TMEM150C: variants seen among roughly 807,000 people sequenced by gnomAD.
The protein encoded by TMEM150C is tentonin 3.
TMEM150C carries 10 observed loss-of-function variants against 29.9 expected under a neutral mutation model. That is an observed-to-expected ratio of 0.33 (90% CI 0.21 to 0.57). The LOEUF (loss-of-function observed/expected upper bound fraction) is 0.57. Among genes scored for constraint, TMEM150C ranks in the 20% least tolerant of loss-of-function variants. The pLI is 0.88. For synonymous variants in TMEM150C, 101 were observed against 112.5 expected, an observed-to-expected ratio of 0.90 and a Z score of 0.64; for missense variants, 251 against 303.6, an observed-to-expected ratio of 0.83 and a Z score of 1.29.
In TMEM150C at chr4:82,502,707, G is replaced by A. The variant is rs144722302; in HGVS notation, c.235+20C>T. The A allele has an allele frequency of 1.3e-3, 2,037 of 1,600,030 alleles. 24 individuals carry two copies. In the African/African-American group the frequency reaches 0.021, roughly 17 times the overall value. On this transcript the variant is annotated intron_variant, in intron 5 of 7. Coordinates refer to ENST00000449862, the MANE Select transcript of TMEM150C (RefSeq NM_001080506.3). ...AGAAATGTACCAAAGCACATAAAGC[G>A]TTCTTTACCCTCTTCTTACCTAGGA...
chr4:82,538,125 C>A (rs1725072938), intron 1 of TMEM150C, among the ~76,000 whole-genome samples: 1 of 152,198 alleles, frequency 6.6e-6, no homozygotes, highest in Non-Finnish European at 1.5e-5. Context: ...GTAGCGCGAT[C>A]TTGGCTCACT....
At chr4:82,529,657 A>C (rs1724773159) in intron 1 of TMEM150C, among the ~76,000 whole-genome samples, 1 of 152,132 alleles carries the variant, frequency 6.6e-6, no homozygotes, top group African/African-American at 2.4e-5. Context: ...GGCTGGAGAG[A>C]GGTCAAGGGA....
intron 1 of TMEM150C, among the ~76,000 whole-genome samples, chr4:82,557,796 C>T (rs556513485): frequency 2.0e-5 from 3 of 148,804 alleles, no homozygotes; most frequent in Admixed American, 6.8e-5. Flanking sequence ...TGCAGTGGCA[C>T]GATCTTGGCT....
At chr4:82,533,659 T>C (rs931237530) in intron 1 of TMEM150C, among the ~76,000 whole-genome samples, 5 of 152,234 alleles carry the variant, frequency 3.3e-5, no homozygotes, top group African/African-American at 1.2e-4. Context: ...TTTCAATATA[T>C]GGATTGTCAG....
intron 1 of TMEM150C, among the ~76,000 whole-genome samples, chr4:82,546,619 G>A (rs1405634084): frequency 2.0e-5 from 3 of 152,100 alleles, no homozygotes; most frequent in Non-Finnish European, 4.4e-5. Context: ...ACGAGGCCAG[G>A]AGATCGAGAC....
chr4:82,537,448 C>T (rs531032735), intron 1 of TMEM150C, among the ~76,000 whole-genome samples: 2 of 152,316 alleles, frequency 1.3e-5, no homozygotes, highest in Non-Finnish European at 2.9e-5. Flanking sequence ...GGTCCTTTTA[C>T]ACCCTTTGGA....
chr4:82,499,958 A>C (rs903189502), intron 5 of TMEM150C, among the ~76,000 whole-genome samples: 1 of 152,116 alleles, frequency 6.6e-6, no homozygotes, highest in Admixed American at 6.6e-5. Context: ...TTTTGCCTGA[A>C]GGAGGGAGAG....
rs772411090 is a variant in TMEM150C at position 82,485,310 on chromosome 4, C to T, written c.*201G>A. ...CGTGCATATATTTTCAGTGTAACAG[C>T]GTGTATTTCGACACATAAGGGCTTG... On this transcript the variant is annotated 3_prime_UTR_variant, in exon 8 of 8. Coordinates refer to ENST00000449862, the MANE Select transcript of TMEM150C (RefSeq NM_001080506.3). 18 of 570,784 alleles carry T rather than the reference C, an allele frequency of 3.2e-5. No individual in the cohort carries two copies. The highest frequency in any genetic ancestry group is 8.2e-5 in the South Asian group (4 of 48,970). 35.4% of individuals were successfully genotyped at this position (570,784 alleles called of 1,614,324 possible). A position where few individuals can be genotyped will look rare whatever the true frequency, so the allele number is the denominator to read the frequency against.
chr4:82,536,138 A>T (rs1303614947), intron 1 of TMEM150C, among the ~76,000 whole-genome samples: 1 of 152,124 alleles, frequency 6.6e-6, no homozygotes, highest in Non-Finnish European at 1.5e-5. Context: ...AGGCAGGTGG[A>T]TCACGAAGTC....
chr4:82,520,706 G>C (rs943817488), intron 1 of TMEM150C, among the ~76,000 whole-genome samples: 4 of 152,100 alleles, frequency 2.6e-5, no homozygotes, highest in Non-Finnish European at 5.9e-5. Flanking sequence ...AACATAGCAA[G>C]CCTCCATGTG....
chr4:82,512,877 T>C (rs1724172921), intron 1 of TMEM150C, among the ~76,000 whole-genome samples: 1 of 152,130 alleles, frequency 6.6e-6, no homozygotes, highest in Admixed American at 6.5e-5. Flanking sequence ...GGATAGCTAT[T>C]ATCAAAAAAC....
intron 1 of TMEM150C, among the ~76,000 whole-genome samples, chr4:82,534,722 T>C (rs1056368581): frequency 6.6e-6 from 1 of 152,198 alleles, no homozygotes; most frequent in Admixed American, 6.5e-5. Flanking sequence ...ACTTGTCTTC[T>C]TAACATGCTC....
intron 1 of TMEM150C, among the ~76,000 whole-genome samples, chr4:82,553,221 C>T (rs1047467544): frequency 2.0e-5 from 3 of 151,930 alleles, no homozygotes; most frequent in Non-Finnish European, 2.9e-5. Flanking sequence ...TGACTCCTAT[C>T]GAAAAAACAT....
At chr4:82,545,286 A>G (rs780186226) in intron 1 of TMEM150C, among the ~76,000 whole-genome samples, 2 of 152,246 alleles carry the variant, frequency 1.3e-5, no homozygotes, top group Non-Finnish European at 2.9e-5. Context: ...ACAGAATTAA[A>G]AACAAAAACC....
chr4:82,483,313 A>G lies in TMEM150C; in HGVS notation c.*2198T>C, dbSNP rs1399855572. ...CATCACCAAAAGCTGTTTAATTTGG[A>G]TTGTGTAGAATAAAAGAAAACTACA... is the stretch of plus-strand genomic sequence containing the variant. On this transcript the variant is annotated 3_prime_UTR_variant, in exon 8 of 8. Coordinates refer to ENST00000449862, the MANE Select transcript of TMEM150C (RefSeq NM_001080506.3). 6.6e-6 allele frequency: 1 copy of G among 152,232 alleles called. No individual in the cohort carries two copies. Among genetic ancestry groups the G allele is most frequent in the Non-Finnish European group, 1.5e-5 (1 of 68,044 alleles). The allele number at this position is 152,232 out of a possible 1,614,324, so 9.4% of individuals were successfully genotyped here.
At chr4:82,526,931 C>T (rs1257052925) in intron 1 of TMEM150C, among the ~76,000 whole-genome samples, 3 of 151,768 alleles carry the variant, frequency 2.0e-5, no homozygotes, top group African/African-American at 7.3e-5. Context: ...ATGTCTTCCC[C>T]GTGTAATTCT....
At chr4:82,552,347 A>G (rs1725607490) in intron 1 of TMEM150C, among the ~76,000 whole-genome samples, 2 of 152,168 alleles carry the variant, frequency 1.3e-5, no homozygotes, top group South Asian at 4.1e-4. Flanking sequence ...AAGATCCTGC[A>G]TTTTTCCTTC....
intron 1 of TMEM150C, among the ~76,000 whole-genome samples, chr4:82,526,267 A>G (rs1274830949): frequency 6.6e-6 from 1 of 152,230 alleles, no homozygotes; most frequent in South Asian, 2.1e-4. Flanking sequence ...TGAGGAGATA[A>G]GGACAACTAT....
intron 6 of TMEM150C, chr4:82,495,782 C>A (rs911657810): frequency 7.6e-6 from 3 of 396,598 alleles, no homozygotes; most frequent in Non-Finnish European, 9.6e-6. Context: ...AGAGCATAAG[C>A]AGCAATTTCT....
Sources: gnomAD v4.1 joint callset for allele counts (sites outside exome capture counted in the v4.1 genomes callset) on GRCh38, gnomAD v4.1.1 for gene constraint, MANE v1.5 for transcripts, NCBI Gene and HGNC (gene_info 2026-07-23, HGNC 2026-07-21) for gene names.